The following DPH5 variants were observed in gnomAD, a reference collection of about 807,000 sequenced individuals.
DPH5 encodes diphthamide biosynthesis 5.
A neutral mutation model predicts 31.6 loss-of-function variants in DPH5; 31 were observed. The observed-to-expected ratio is 0.98, with a 90% confidence interval of 0.74 to 1.32. The LOEUF is 1.32. Among genes scored for constraint, DPH5 ranks in the 40% most tolerant of loss-of-function variants. The pLI is 0.00. For missense variants in DPH5, 309 were observed against 335.7 expected, an observed-to-expected ratio of 0.92 and a Z score of 0.62; for synonymous variants, 120 against 115.0, an observed-to-expected ratio of 1.04 and a Z score of -0.28.
chr1:101,025,640 C>T (rs1471047696), intron 1 of DPH5, 43 bp downstream of exon 1: 1 of 633,264 alleles, frequency 1.6e-6, no homozygotes, highest in Admixed American at 3.0e-5. Context: ...ACAACCCTAC[C>T]AGTTTTGCCT....
chr1:100,992,719 A>C lies in DPH5; in HGVS notation c.552T>G (p.Pro184=), dbSNP rs1657880138. 3.7e-6 allele frequency: 6 copies of C among 1,613,322 alleles called. No individual in the cohort carries two copies. Among genetic ancestry groups the C allele is most frequent in the Non-Finnish European group, 5.1e-6 (6 of 1,179,446 alleles). ...CTTGGTTTACACTCATATACCGTGG[A>C]GGTTCATAGATCTTCCTTCCCCTAT... ...NLIKGRKIYE[P]PRYMSVNQAA... Residue 184 remains proline (P), a synonymous_variant, in exon 7 of 8, where the codon CCT becomes CCG. Transcript: ENST00000370109.
chr1:100,993,815 C>T (rs1658076488), intron 6 of DPH5, among the ~76,000 whole-genome samples: 1 of 151,316 alleles, frequency 6.6e-6, no homozygotes, highest in Admixed American at 6.6e-5. Flanking sequence ...GATATTGGTT[C>T]ACTGCAACCT....
chr1:101,015,792 T>C (rs1383441870), intron 3 of DPH5, among the ~76,000 whole-genome samples: 1 of 152,236 alleles, frequency 6.6e-6, no homozygotes, highest in African/African-American at 2.4e-5. Flanking sequence ...CATACATTTA[T>C]GTTATAGAGA....
intron 5 of DPH5, among the ~76,000 whole-genome samples, chr1:100,998,670 T>G (rs1329637852): frequency 1.3e-5 from 2 of 152,200 alleles, no homozygotes; most frequent in Non-Finnish European, 2.9e-5. Flanking sequence ...ATTTAGTGCC[T>G]ACACTGTGCT....
chr1:100,997,474 T>C (rs562132850), intron 5 of DPH5, among the ~76,000 whole-genome samples: 1 of 152,256 alleles, frequency 6.6e-6, no homozygotes, highest in South Asian at 2.1e-4. Flanking sequence ...CACACCATTC[T>C]CTTGTCTCAG....
intron 3 of DPH5, among the ~76,000 whole-genome samples, chr1:101,019,152 T>C (rs955831792): frequency 1.3e-5 from 2 of 152,228 alleles, no homozygotes; most frequent in Non-Finnish European, 2.9e-5. Flanking sequence ...TGCAGAGATT[T>C]AGGGATAGAA....
chr1:101,021,495 A>C, intron 3 of DPH5, 146 bp downstream of exon 3: 1 of 702,530 alleles, frequency 1.4e-6, no homozygotes, highest in Non-Finnish European at 2.2e-6. Context: ...ATGAAAGTTT[A>C]AACTATGACA....
At chr1:100,999,179 G>A (rs765214787) in intron 5 of DPH5, among the ~76,000 whole-genome samples, 12 of 152,162 alleles carry the variant, frequency 7.9e-5, no homozygotes, top group African/African-American at 1.4e-4. Context: ...GCCAGGCACC[G>A]TGGTTCACTC....
intron 3 of DPH5, among the ~76,000 whole-genome samples, chr1:101,019,411 CTGTACACTAAAA>C (rs1660299869): frequency 6.6e-6 from 1 of 152,092 alleles, no homozygotes; most frequent in Admixed American, 6.5e-5. Context: ...TGCCACTGAA[CTGTACACTAAAA>C]TGGTTAAAAT....
chr1:100,993,598 A>ATATATATATATATG lies in DPH5; in HGVS notation c.531-859_531-858insCATATATATATATA, dbSNP rs71084858. ...TATATATATATATATATATATATAT[A>ATATATATATATATG]GCTATTGTGGCTTACAACACAGTTC... is the stretch of plus-strand genomic sequence containing the variant. On this transcript the variant is annotated intron_variant, in intron 6 of 7. Transcript: ENST00000370109. Among the ~76,000 whole-genome samples the ATATATATATATATG allele has an allele frequency of 2.3e-5, 3 of 128,236 alleles. No individual in the cohort carries two copies. In the East Asian group the frequency reaches 6.7e-4, roughly 29 times the overall value. 84.1% of individuals were successfully genotyped at this position (128,236 alleles called of 152,430 possible). A position where few individuals can be genotyped will look rare whatever the true frequency, so the allele number is the denominator to read the frequency against.
intron 4 of DPH5, among the ~76,000 whole-genome samples, chr1:101,009,405 G>A (rs1487717773): frequency 1.3e-5 from 2 of 152,184 alleles, no homozygotes; most frequent in African/African-American, 4.8e-5. Flanking sequence ...AATAACTGTG[G>A]TAGTGGAGAT....
At chr1:101,007,454 C>T (rs1371158310) in intron 4 of DPH5, among the ~76,000 whole-genome samples, 1 of 152,126 alleles carries the variant, frequency 6.6e-6, no homozygotes, top group Non-Finnish European at 1.5e-5. Flanking sequence ...TGGCTCATGC[C>T]TGTAATCCCA....
chr1:100,995,969 C>T (rs1044526666), intron 5 of DPH5: 1 of 152,104 alleles, frequency 6.6e-6, no homozygotes, highest in Non-Finnish European at 1.5e-5. Context: ...TAGACTTATG[C>T]AGATTTCCTA....
chr1:101,008,396 A>G (rs888080353), intron 4 of DPH5, among the ~76,000 whole-genome samples: 3 of 152,172 alleles, frequency 2.0e-5, no homozygotes, highest in Admixed American at 6.5e-5. Context: ...CTCCCTCCCA[A>G]TCCTCACCAC....
At chr1:101,021,310 G>C (rs1282678724) in intron 3 of DPH5, among the ~76,000 whole-genome samples, 1 of 152,166 alleles carries the variant, frequency 6.6e-6, no homozygotes, top group Non-Finnish European at 1.5e-5. Flanking sequence ...CATGACTTTT[G>C]ATAATGTAAT....
chr1:101,005,611 T>A (rs1659171943), intron 4 of DPH5, among the ~76,000 whole-genome samples: 1 of 152,158 alleles, frequency 6.6e-6, no homozygotes, highest in African/African-American at 2.4e-5. Context: ...GTAAATTAAA[T>A]TTTAAAATGA....
At chr1:101,018,063 T>G (rs1292501302) in intron 3 of DPH5, among the ~76,000 whole-genome samples, 2 of 152,142 alleles carry the variant, frequency 1.3e-5, no homozygotes, top group Non-Finnish European at 2.9e-5. Context: ...TAAAATCATA[T>G]ATGTGTATAT....
intron 3 of DPH5, among the ~76,000 whole-genome samples, chr1:101,018,328 C>A (rs957952203): frequency 6.6e-6 from 1 of 151,730 alleles, no homozygotes; most frequent in Non-Finnish European, 1.5e-5. Flanking sequence ...ACCTCCGCCT[C>A]CCGGGTTCAA....
intron 3 of DPH5, among the ~76,000 whole-genome samples, chr1:101,016,571 G>C (rs764463327): frequency 3.3e-5 from 5 of 150,760 alleles, no homozygotes; most frequent in African/African-American, 1.2e-4. Flanking sequence ...TCAGCCTCTC[G>C]GGTAGCTGGG....
Sources: allele counts gnomAD v4.1 joint callset (sites outside exome capture counted in the v4.1 genomes callset), GRCh38; gene constraint gnomAD v4.1.1; transcripts MANE v1.5; gene names NCBI Gene and HGNC (gene_info 2026-07-23, HGNC 2026-07-21).